The following RNF212B variants were observed in gnomAD, a reference collection of about 807,000 sequenced individuals.
RNF212B encodes E3 ubiquitin-protein ligase RNF212B.
RNF212B carries 52 observed loss-of-function variants against 55.5 expected under a neutral mutation model. That is an observed-to-expected ratio of 0.94 (90% CI 0.75 to 1.18). The LOEUF (loss-of-function observed/expected upper bound fraction) is 1.18. RNF212B is among the 50% of genes most tolerant of loss of function. The pLI, the probability that RNF212B is intolerant of heterozygous loss-of-function variation, is 0.00. For missense variants in RNF212B, 289 were observed against 350.4 expected (o/e 0.82, Z 1.40); for synonymous variants, 99 against 121.4 (o/e 0.82, Z 1.21).
chr14:23,208,299 G>A (rs1427199747), intron 2 of RNF212B, among the ~76,000 whole-genome samples: 1 of 152,112 alleles, frequency 6.6e-6, no homozygotes, highest in Non-Finnish European at 1.5e-5. Flanking sequence ...GATCACTGGA[G>A]GCCAGGAGTT....
chr14:23,261,603 G>A (rs559733216), intron 7 of RNF212B, among the ~76,000 whole-genome samples: 1 of 152,216 alleles, frequency 6.6e-6, no homozygotes, highest in South Asian at 2.1e-4. Flanking sequence ...CCATGTTACA[G>A]GCTGGATATA....
At chr14:23,259,993 C>T in intron 6 of RNF212B, 49 bp downstream of exon 6, 1 of 932,674 alleles carries the variant, frequency 1.1e-6, no homozygotes, top group Non-Finnish European at 1.6e-6. Context: ...TTACTTTTCT[C>T]ATCTATCTAG....
chr14:23,216,015 G>A (rs1881029099), intron 2 of RNF212B, among the ~76,000 whole-genome samples: 1 of 152,210 alleles, frequency 6.6e-6, no homozygotes, highest in African/African-American at 2.4e-5. Flanking sequence ...GGAGGCCAAG[G>A]CGGGCGGATC....
upstream of RNF212B, among the ~76,000 whole-genome samples, chr14:23,235,211 C>T (rs1428528651): frequency 3.0e-5 from 3 of 100,942 alleles, no homozygotes; most frequent in Non-Finnish European, 6.2e-5. Context: ...TACTCTGTCT[C>T]AGGAAAAAAA....
At chr14:23,260,459 C>T (rs1441004093) in intron 6 of RNF212B, among the ~76,000 whole-genome samples, 200 bp from the exon 7 acceptor site, 1 of 152,166 alleles carries the variant, frequency 6.6e-6, no homozygotes, top group East Asian at 1.9e-4. Flanking sequence ...CGTATGCACT[C>T]TTATGAAGAA....
chr14:23,240,159 C>T (rs1019546413), intron 1 of RNF212B, among the ~76,000 whole-genome samples, 186 bp from the exon 2 acceptor site: 1 of 151,846 alleles, frequency 6.6e-6, no homozygotes, highest in African/African-American at 2.4e-5. Flanking sequence ...TTATAAAAAG[C>T]AGTCTGCTTT....
chr14:23,232,485 G>A (rs890668521), intron 2 of RNF212B, among the ~76,000 whole-genome samples: 3 of 132,606 alleles, frequency 2.3e-5, no homozygotes, highest in South Asian at 4.5e-4. Flanking sequence ...CCCTCCGCCC[G>A]GCAGCCGCCC....
chr14:23,231,788 C>T (rs763744678), intron 2 of RNF212B, among the ~76,000 whole-genome samples: 158 of 152,316 alleles, frequency 1.0e-3, no homozygotes, highest in Admixed American at 3.6e-3. Flanking sequence ...TGCAGGCACG[C>T]GCCGCCACGC....
At chr14:23,210,982 G>C (rs1880452723) in intron 2 of RNF212B, among the ~76,000 whole-genome samples, 1 of 151,764 alleles carries the variant, frequency 6.6e-6, no homozygotes, top group Admixed American at 6.6e-5. Context: ...CACTTTGGGA[G>C]GCCAAGGTGG....
chr14:23,235,416 C>A (rs1883029532), upstream of RNF212B, among the ~76,000 whole-genome samples: 1 of 152,096 alleles, frequency 6.6e-6, no homozygotes, highest in African/African-American at 2.4e-5. Context: ...GAGCTAATCA[C>A]TTTTTTCATG....
chr14:23,186,194 G>T (rs73600436), intron 1 of RNF212B, among the ~76,000 whole-genome samples: 15,892 of 152,176 alleles, frequency 0.1, 984 homozygotes, highest in African/African-American at 0.18. Context: ...GTGCCTCTCT[G>T]TAGGTTGGAA....
intron 2 of RNF212B, among the ~76,000 whole-genome samples, chr14:23,197,460 G>A (rs1266779670): frequency 6.6e-6 from 1 of 152,166 alleles, no homozygotes; most frequent in Non-Finnish European, 1.5e-5. Flanking sequence ...CCGGGAGGCG[G>A]AGGTTGCAGT....
At chr14:23,197,089 A>G (rs747031387) in intron 2 of RNF212B, among the ~76,000 whole-genome samples, 1 of 152,238 alleles carries the variant, frequency 6.6e-6, no homozygotes, top group Admixed American at 6.5e-5. Context: ...GAATGTATAT[A>G]GGACATGTAT....
At chr14:23,258,696 T>A in intron 5 of RNF212B, 32 bp downstream of exon 5, 4 of 270,330 alleles carry the variant, frequency 1.5e-5, no homozygotes, top group Non-Finnish European at 1.5e-5. Context: ...AAGAGAGCTT[T>A]TTTTTTTTTT....
At chr14:23,242,379 G>C (rs1883665571) in intron 2 of RNF212B, among the ~76,000 whole-genome samples, 1 of 152,110 alleles carries the variant, frequency 6.6e-6, no homozygotes, top group South Asian at 2.1e-4. Context: ...GAAAGATTAG[G>C]AATCTTAATT....
At chr14:23,237,153 G>T (rs977145467), upstream of RNF212B, among the ~76,000 whole-genome samples, 8 of 149,148 alleles carry the variant, frequency 5.4e-5, no homozygotes, top group South Asian at 2.1e-4. Flanking sequence ...TTTTAAAGAC[G>T]GAGTCTCTCT....
At chr14:23,270,074 TC>T in intron 13 of RNF212B, 114 bp downstream of exon 13, 1 of 663,680 alleles carries the variant, frequency 1.5e-6, no homozygotes. Context: ...GAGCATTGTC[TC>T]TAGTTGGCTC....
chr14:23,258,520 T>C (rs1379996596), intron 4 of RNF212B, 29 bp from the exon 5 acceptor site: 1 of 1,092,112 alleles, frequency 9.2e-7, no homozygotes, highest in Non-Finnish European at 1.3e-6. Flanking sequence ...TATGGGAGAG[T>C]ATGTCAAAGG....
chr14:23,192,743 G>T (rs1361412902), intron 1 of RNF212B, among the ~76,000 whole-genome samples: 1 of 152,018 alleles, frequency 6.6e-6, no homozygotes, highest in South Asian at 2.1e-4. Context: ...CACTAATTTG[G>T]TGATAACTAT....
Sources: allele counts gnomAD v4.1 joint callset (sites outside exome capture counted in the v4.1 genomes callset), GRCh38; gene constraint gnomAD v4.1.1; transcripts MANE v1.5; gene names NCBI Gene and HGNC (gene_info 2026-07-23, HGNC 2026-07-21).